Variants in TM4SF4 observed in about 807,000 individuals in gnomAD.
The protein encoded by TM4SF4 is transmembrane 4 L six family member 4, also known as transmembrane 4 L6 family member 4.
In TM4SF4, 24 loss-of-function variants were observed where a neutral mutation model predicts 24.1. The observed-to-expected ratio is 1.00, with a 90% confidence interval of 0.72 to 1.40. The LOEUF (loss-of-function observed/expected upper bound fraction) is 1.40. TM4SF4 is among the 40% of genes most tolerant of loss of function. The pLI, the probability that TM4SF4 is intolerant of heterozygous loss-of-function variation, is 0.00. For missense variants in TM4SF4, 254 were observed against 254.2 expected (o/e 1.00, Z 0.01); for synonymous variants, 113 against 97.0 (o/e 1.17, Z -0.97).
intron 3 of TM4SF4, chr3:149,494,892 G>C (rs13062027): frequency 0.28 from 43,591 of 153,748 alleles, 6,587 homozygotes; most frequent in Middle Eastern, 0.35. Context: ...GGAAGTTTGA[G>C]ACCAGCAAGT....
Position 149,498,873 on chromosome 3 carries a change from AC to A in TM4SF4, c.556del (p.Leu186SerfsTer22). 6.2e-7 allele frequency: 1 copy of A among 1,613,786 alleles called. No individual in the cohort carries two copies. The highest frequency in any genetic ancestry group is 8.5e-7 in the Non-Finnish European group (1 of 1,179,824). ...CCAGGTGGTCAATGGCCTCCTGGGG[AC>A]CCTCTGTGGGGACTGCCAGTGTTGT... ...AIQVVNGLLG[T>X]LCGDCQCCGC... is the part of the protein sequence containing the mutation. On this transcript the variant is annotated frameshift_variant, in exon 4 of 5. Transcript: ENST00000305354. LOFTEE classifies it high-confidence loss of function.
intron 2 of TM4SF4, among the ~76,000 whole-genome samples, chr3:149,478,922 C>G (rs1733981619): frequency 6.6e-6 from 1 of 152,098 alleles, no homozygotes; most frequent in Admixed American, 6.5e-5. Flanking sequence ...TGCCACCATG[C>G]TCGGCTAATT....
At chr3:149,489,235 G>C (rs918305473) in intron 3 of TM4SF4, among the ~76,000 whole-genome samples, 1 of 152,126 alleles carries the variant, frequency 6.6e-6, no homozygotes, top group Non-Finnish European at 1.5e-5. Context: ...CCCACAACCC[G>C]CCCCCATTGA....
In TM4SF4 at chr3:149,495,077, A is replaced by T. The variant is rs1576522051; in HGVS notation, c.402-3645A>T. 1.2e-5 allele frequency: 3 copies of T among 257,832 alleles called. No homozygotes were observed. The South Asian group carries it at 1.7e-4, about 14-fold the overall frequency. 16.0% of individuals were successfully genotyped at this position (257,832 alleles called of 1,614,324 possible). ...CTTCGTGCTTACACACTGGGGATGAAACAACCAATTGTTGGTGTTAACAAA... is the reference window on the plus strand; with the variant it reads ...CTTCGTGCTTACACACTGGGGATGATACAACCAATTGTTGGTGTTAACAAA... On this transcript the variant is annotated intron_variant, in intron 3 of 4. Transcript: ENST00000305354.
intron 2 of TM4SF4, among the ~76,000 whole-genome samples, chr3:149,478,895 C>T (rs1733981076): frequency 6.6e-6 from 1 of 152,172 alleles, no homozygotes. Context: ...TCCCGAGTAG[C>T]TGGGATTACA....
At chr3:149,487,777 C>T (rs1734144783) in intron 3 of TM4SF4, 22 bp downstream of exon 3, 2 of 1,612,106 alleles carry the variant, frequency 1.2e-6, no homozygotes, top group Non-Finnish European at 1.7e-6. Flanking sequence ...CCCTGCAATG[C>T]CCACCTGTCA....
intron 3 of TM4SF4, among the ~76,000 whole-genome samples, chr3:149,497,000 G>A (rs920542405): frequency 3.9e-5 from 6 of 152,038 alleles, no homozygotes; most frequent in African/African-American, 1.4e-4. Flanking sequence ...TGAGACCTCC[G>A]TGTCTATTTT....
At chr3:149,487,491 C>T (rs534075922) in intron 2 of TM4SF4, 128 bp from the exon 3 acceptor site, 2 of 1,114,490 alleles carry the variant, frequency 1.8e-6, no homozygotes, top group East Asian at 2.4e-5. Context: ...GCCCCATCTA[C>T]TATAAAGACT....
chr3:149,488,809 T>C (rs992218640), intron 3 of TM4SF4, among the ~76,000 whole-genome samples: 1 of 152,072 alleles, frequency 6.6e-6, no homozygotes, highest in Non-Finnish European at 1.5e-5. Flanking sequence ...GACTGGCACA[T>C]CCCACAGAGT....
intron 2 of TM4SF4, among the ~76,000 whole-genome samples, chr3:149,476,113 G>C (rs1235232937): frequency 6.6e-6 from 1 of 152,168 alleles, no homozygotes. Context: ...ATACTTATAG[G>C]GTATGAATAT....
In TM4SF4 at chr3:149,487,751, G is replaced by C; in HGVS notation, c.397G>C (p.Asp133His). 6.2e-7 allele frequency: 1 copy of C among 1,613,936 alleles called. No individual in the cohort carries two copies. The highest frequency in any genetic ancestry group is 8.5e-7 in the Non-Finnish European group (1 of 1,179,844). ...ANSTWGYPFH[D>H]GDYLNDEALW... ...TAGTACATGGGGCTACCCCTTCCAC[G>C]ACGGGTAAGGCCACACCCTGCAATG... is the stretch of plus-strand genomic sequence containing the variant. Residue 133 changes from aspartate (D) to histidine (H), a missense_variant, in exon 3 of 5, where the codon GAC (aspartate) becomes CAC (histidine). Physicochemically the swap from Asp to His is moderately conservative, Grantham distance 81 (BLOSUM62 -1). Coordinates refer to ENST00000305354, the MANE Select transcript of TM4SF4 (RefSeq NM_004617.4).
intron 2 of TM4SF4, among the ~76,000 whole-genome samples, chr3:149,483,006 A>G (rs1264277326): frequency 1.3e-5 from 2 of 152,234 alleles, no homozygotes; most frequent in Non-Finnish European, 2.9e-5. Context: ...CGCAGCATGT[A>G]TCTTTCTTCC....
chr3:149,480,526 TGGTCA>T (rs1460468167), intron 2 of TM4SF4, among the ~76,000 whole-genome samples: 1 of 152,130 alleles, frequency 6.6e-6, no homozygotes, highest in Non-Finnish European at 1.5e-5. Flanking sequence ...AGAAAGGTCT[TGGTCA>T]GGTCCTAATG....
At chr3:149,484,102 A>G (rs1734078558) in intron 2 of TM4SF4, among the ~76,000 whole-genome samples, 1 of 152,134 alleles carries the variant, frequency 6.6e-6, no homozygotes. Context: ...AAATAAATAA[A>G]TATTCATGTT....
intron 3 of TM4SF4, chr3:149,495,577 A>G (rs557787648): frequency 8.1e-5 from 29 of 357,194 alleles, no homozygotes; most frequent in Middle Eastern, 1.1e-3. Flanking sequence ...TCTGTCAAAG[A>G]TTTTTGTAAT....
chr3:149,475,270 G>A (rs548742064), intron 1 of TM4SF4, among the ~76,000 whole-genome samples: 2 of 152,174 alleles, frequency 1.3e-5, no homozygotes, highest in Non-Finnish European at 2.9e-5. Context: ...CTAAGCTTGG[G>A]CTGACAGTTC....
At chr3:149,494,055 G>A (rs184461647) in intron 3 of TM4SF4, among the ~76,000 whole-genome samples, 1 of 152,312 alleles carries the variant, frequency 6.6e-6, no homozygotes, top group African/African-American at 2.4e-5. Context: ...TGTCAGTTAA[G>A]TGCATCTAAA....
At chr3:149,500,095 T>C (rs144335964) in intron 4 of TM4SF4, among the ~76,000 whole-genome samples, 2 of 152,266 alleles carry the variant, frequency 1.3e-5, no homozygotes, top group African/African-American at 4.8e-5. Flanking sequence ...GTATCTCTTT[T>C]TATTATTTTA....
At chr3:149,477,307 T>C (rs572131791) in intron 2 of TM4SF4, among the ~76,000 whole-genome samples, 82 of 152,298 alleles carry the variant, frequency 5.4e-4, no homozygotes, top group African/African-American at 1.9e-3. Flanking sequence ...GATATATTGA[T>C]GAGGCAGAAA....
Sources: allele counts gnomAD v4.1 joint callset (sites outside exome capture counted in the v4.1 genomes callset), GRCh38; gene constraint gnomAD v4.1.1; transcripts MANE v1.5; gene names NCBI Gene and HGNC (gene_info 2026-07-23, HGNC 2026-07-21).